Variants in ANGEL2 observed in about 807,000 individuals in gnomAD.
ANGEL2 encodes the protein angel homolog 2.
ANGEL2 carries 41 observed loss-of-function variants against 66.0 expected under a neutral mutation model. The ratio of observed to expected loss-of-function variants is 0.62; its 90% CI spans 0.48 to 0.81. The LOEUF (loss-of-function observed/expected upper bound fraction) is 0.81. ANGEL2 is among the 30% of genes least tolerant of loss of function. ANGEL2 has a pLI of 0.00. For missense variants in ANGEL2, 561 were observed against 641.6 expected (o/e 0.87, Z 1.36); for synonymous variants, 208 against 226.5 (o/e 0.92, Z 0.73).
At chr1:212,999,065 G>T (rs2076107666) in intron 7 of ANGEL2, among the ~76,000 whole-genome samples, 2 of 151,056 alleles carry the variant, frequency 1.3e-5, no homozygotes, top group Non-Finnish European at 2.9e-5. Context: ...GTAAAGATGG[G>T]GTTTCACCAT....
At chr1:212,995,776 A>G (rs1045558217) in intron 8 of ANGEL2, among the ~76,000 whole-genome samples, 4 of 152,080 alleles carry the variant, frequency 2.6e-5, no homozygotes, top group African/African-American at 9.7e-5. Context: ...GGAATAAGTC[A>G]TCTCGTGAGT....
intron 1 of ANGEL2, among the ~76,000 whole-genome samples, chr1:213,014,302 CAAT>C (rs1457089763): frequency 6.6e-6 from 1 of 152,224 alleles, no homozygotes. Flanking sequence ...ACCACAGCAT[CAAT>C]AATGTGCGCT....
chr1:213,005,223 G>C lies in ANGEL2; in HGVS notation c.944C>G (p.Pro315Arg). 1 of 1,614,192 alleles carries C rather than the reference G, an allele frequency of 6.2e-7. No individual in the cohort carries two copies. Among genetic ancestry groups the C allele is most frequent in the Non-Finnish European group, 8.5e-7 (1 of 1,180,040 alleles). ...CGTCAGCTTAATATCACCTCGCCTT[G>C]GATTATACAACAGATGCGTATTTGC... ...CVANTHLLYNPRRGDIKLTQL... is the reference protein window; with the variant it reads ...CVANTHLLYNRRRGDIKLTQL... The change falls in exon 5 of 9, where the codon CCA (proline) becomes CGA (arginine). Residue 315 changes from proline to arginine, a missense_variant. Physicochemically the swap from Pro to Arg is moderately radical, Grantham distance 103 (BLOSUM62 -2). Transcript: ENST00000366962.
intron 5 of ANGEL2, among the ~76,000 whole-genome samples, chr1:213,004,548 A>G (rs1210464022): frequency 1.3e-5 from 2 of 151,822 alleles, no homozygotes; most frequent in Non-Finnish European, 2.9e-5. Context: ...GATGAAAAAG[A>G]TATAAATCAA....
chr1:212,998,983 C>T (rs1282918092), intron 7 of ANGEL2, among the ~76,000 whole-genome samples: 1 of 152,046 alleles, frequency 6.6e-6, no homozygotes, highest in African/African-American at 2.4e-5. Context: ...AGGGTTCAAG[C>T]AATACTCTGC....
chr1:213,013,421 A>G lies in ANGEL2; in HGVS notation c.60-3T>C. 6.2e-7 allele frequency: 1 copy of G among 1,608,626 alleles called. No homozygotes were observed. The highest frequency in any genetic ancestry group is 8.5e-7 in the Non-Finnish European group (1 of 1,177,120). ...AGTGATGGGGAAACATGGGGTATCT[A>G]AAAGAAATAAATACACTCCTTGAGG... On this transcript the variant is annotated splice_polypyrimidine_tract_variant and splice_region_variant and intron_variant, in intron 1 of 8. Transcript: ENST00000366962.
chr1:212,999,770 C>T (rs2076129610), intron 7 of ANGEL2, among the ~76,000 whole-genome samples: 1 of 152,168 alleles, frequency 6.6e-6, no homozygotes, highest in African/African-American at 2.4e-5. Context: ...CATCTTCACC[C>T]CTCTGACAAT....
intron 1 of ANGEL2, 77 bp downstream of exon 1, chr1:213,015,536 G>A: frequency 6.6e-7 from 1 of 1,510,252 alleles, no homozygotes; most frequent in Non-Finnish European, 8.9e-7. Flanking sequence ...CCCGCCCCGG[G>A]TTAGTCCCGG....
chr1:213,011,678 TTAAG>T (rs2076512753), intron 2 of ANGEL2, among the ~76,000 whole-genome samples: 1 of 152,044 alleles, frequency 6.6e-6, no homozygotes, highest in African/African-American at 2.4e-5. Context: ...AGCAAAGAGG[TTAAG>T]TAAGCTGTCC....
At position 212,997,142 on chromosome 1, in the gene ANGEL2, A is replaced by G. The variant is rs6540772; in HGVS notation, c.1483+13T>C. On this transcript the variant is annotated intron_variant, in intron 8 of 8. Transcript: ENST00000366962. Reference sequence around the variant, plus strand: ...GCTCTCTAGGAGAATTTAAGATTACATGCATTCCTTACCTGGGTGCCCAGC... The same window carrying G: ...GCTCTCTAGGAGAATTTAAGATTACGTGCATTCCTTACCTGGGTGCCCAGC... 0.027 allele frequency: 43,417 copies of G among 1,609,598 alleles called. 983 individuals are homozygous for G. The highest frequency in any genetic ancestry group is 0.11 in the African/African-American group (8,202 of 74,892).
At chr1:212,995,314 A>G in intron 8 of ANGEL2, 122 bp from the exon 9 acceptor site, 4 of 693,554 alleles carry the variant, frequency 5.8e-6, no homozygotes, top group Non-Finnish European at 8.9e-6. Context: ...ACTAAAAACT[A>G]TGACACAGTT....
chr1:213,011,042 G>A (rs1272200010), intron 2 of ANGEL2, among the ~76,000 whole-genome samples: 1 of 152,142 alleles, frequency 6.6e-6, no homozygotes, highest in East Asian at 1.9e-4. Flanking sequence ...ATGATGGGGT[G>A]AACACATATT....
intron 8 of ANGEL2, among the ~76,000 whole-genome samples, chr1:212,996,718 C>G (rs1210039617): frequency 7.1e-6 from 1 of 141,368 alleles, no homozygotes; most frequent in African/African-American, 2.7e-5. Flanking sequence ...AACATGACAG[C>G]ATAAGCTGTG....
rs570939183 is a variant in ANGEL2, at chr1:213,009,976, G to A, written c.386-1510C>T. ...TGAAGCCAGAGAATCGCTGTAACCC[G>A]GGAAGCAGAGGTTGCAGTGAGCCGA... On this transcript the variant is annotated intron_variant, in intron 2 of 8. Transcript: ENST00000366962. 8.6e-5 allele frequency among the ~76,000 whole-genome samples: 13 copies of A among 151,452 alleles called. No individual in the cohort carries two copies. The South Asian group carries it at 2.3e-3, about 27-fold the overall frequency.
chr1:213,015,125 G>A (rs1264833854), intron 1 of ANGEL2: 2 of 990,968 alleles, frequency 2.0e-6, no homozygotes, highest in Admixed American at 1.2e-4. Flanking sequence ...ACATACAAGT[G>A]ACTAAAGTTT....
intron 4 of ANGEL2, among the ~76,000 whole-genome samples, chr1:213,005,747 T>A (rs1173632435): frequency 6.6e-6 from 1 of 152,148 alleles, no homozygotes; most frequent in East Asian, 1.9e-4. Context: ...ATTCTCTCAC[T>A]CTCTCCACCC....
intron 7 of ANGEL2, 98 bp from the exon 8 acceptor site, chr1:212,997,416 C>G (rs1009256924): frequency 9.6e-7 from 1 of 1,036,302 alleles, no homozygotes; most frequent in African/African-American, 1.6e-5. Flanking sequence ...TAGACTAAGA[C>G]CAAACATTAG....
At chr1:212,999,610 A>G (rs1323812618) in intron 7 of ANGEL2, among the ~76,000 whole-genome samples, 3 of 152,230 alleles carry the variant, frequency 2.0e-5, no homozygotes, top group Non-Finnish European at 4.4e-5. Context: ...AAAACAAAAA[A>G]CTATAAAACA....
intron 2 of ANGEL2, 90 bp from the exon 3 acceptor site, chr1:213,008,556 AT>A: frequency 5.5e-6 from 8 of 1,443,034 alleles, no homozygotes; most frequent in Non-Finnish European, 7.4e-6. Flanking sequence ...CCTCTTAAAA[AT>A]TCCCATAAGC....
Sources: allele counts gnomAD v4.1 joint callset (sites outside exome capture counted in the v4.1 genomes callset), GRCh38; gene constraint gnomAD v4.1.1; transcripts MANE v1.5; gene names NCBI Gene and HGNC (gene_info 2026-07-23, HGNC 2026-07-21).